The following SAV1 variants were observed in gnomAD, a reference collection of about 807,000 sequenced individuals.
SAV1 encodes salvador family WW domain containing protein 1, also known as protein salvador homolog 1.
Under a neutral mutation model 47.3 loss-of-function variants are expected in SAV1, and 23 were observed. The ratio of observed to expected loss-of-function variants is 0.49; its 90% CI spans 0.35 to 0.69. SAV1 has a LOEUF of 0.69. Among genes scored for constraint, SAV1 ranks in the 30% least tolerant of loss-of-function variants. The pLI is 0.01. For synonymous variants in SAV1, 155 were observed against 159.2 expected (o/e 0.97, Z 0.20); for missense variants, 448 against 457.4 (o/e 0.98, Z 0.19).
intron 2 of SAV1, among the ~76,000 whole-genome samples, chr14:50,658,251 T>A (rs115861804): frequency 6.6e-6 from 1 of 152,234 alleles, no homozygotes; most frequent in South Asian, 2.1e-4. Flanking sequence ...CTTTTCAGTC[T>A]GATTTTTGTA....
At chr14:50,642,491 GAAAA>G (rs566683259) in intron 3 of SAV1, among the ~76,000 whole-genome samples, 1 of 109,754 alleles carries the variant, frequency 9.1e-6, no homozygotes, top group African/African-American at 3.2e-5. Flanking sequence ...CTCCGTCTCA[GAAAA>G]AAAAAAAAAA....
chr14:50,664,830 G>A (rs1045367037), intron 2 of SAV1: 3 of 165,510 alleles, frequency 1.8e-5, no homozygotes, highest in African/African-American at 7.2e-5. Context: ...AAGTGTCTCT[G>A]AAGACTTACC....
intron 2 of SAV1, among the ~76,000 whole-genome samples, chr14:50,649,624 T>G (rs574559729): frequency 6.6e-6 from 1 of 152,340 alleles, no homozygotes; most frequent in South Asian, 2.1e-4. Context: ...AATACAGATG[T>G]ATTATCATTG....
chr14:50,663,974 C>T (rs543189348), intron 2 of SAV1, among the ~76,000 whole-genome samples: 11 of 152,276 alleles, frequency 7.2e-5, no homozygotes, highest in Admixed American at 2.0e-4. Context: ...CAATTTTCCA[C>T]GTAAAATGTC....
intron 4 of SAV1, among the ~76,000 whole-genome samples, chr14:50,635,898 A>C (rs1566738949): frequency 6.6e-6 from 1 of 152,106 alleles, no homozygotes; most frequent in Admixed American, 6.5e-5. Context: ...TAGTAGAGAC[A>C]GAGTTTCACC....
chr14:50,666,860 T>C (rs1211024583), intron 1 of SAV1, among the ~76,000 whole-genome samples: 2 of 152,076 alleles, frequency 1.3e-5, no homozygotes, highest in East Asian at 1.9e-4. Flanking sequence ...GTTGAAAGTA[T>C]TGCAAGTACC....
At chr14:50,666,464 AT>A (rs1385038314) in intron 1 of SAV1, among the ~76,000 whole-genome samples, 3 of 152,208 alleles carry the variant, frequency 2.0e-5, no homozygotes, top group Non-Finnish European at 4.4e-5. Context: ...AGTAAACAAT[AT>A]TGGAGACACT....
rs33946852 is a variant in SAV1 at position 50,659,073 on chromosome 14, ATTTTTTTTT to A, written c.535+6097_535+6105del. Among the ~76,000 whole-genome samples the A allele has an allele frequency of 6.9e-5, 9 of 131,124 alleles. 1 individual carries two copies. Among genetic ancestry groups the A allele is most frequent in the African/African-American group, 1.5e-4 (5 of 33,570 alleles). 86.0% of individuals were successfully genotyped at this position (131,124 alleles called of 152,430 possible). A position where few individuals can be genotyped will look rare whatever the true frequency, so the allele number is the denominator to read the frequency against. ...AGCAGTGTATCAACTGCTGTAAAGA[ATTTTTTTTT>A]TTTTTTTTTTTTGGTTGGGAGAGAT... On this transcript the variant is annotated intron_variant, in intron 2 of 4. Coordinates refer to ENST00000324679, the MANE Select transcript of SAV1 (RefSeq NM_021818.4).
intron 4 of SAV1, among the ~76,000 whole-genome samples, chr14:50,640,408 C>T (rs1271858834): frequency 6.6e-6 from 1 of 152,200 alleles, no homozygotes; most frequent in Non-Finnish European, 1.5e-5. Context: ...GTGTGAGCCA[C>T]TGTGCCAAGC....
chr14:50,642,688 GC>G (rs2039690429), intron 3 of SAV1, among the ~76,000 whole-genome samples: 1 of 152,078 alleles, frequency 6.6e-6, no homozygotes, highest in Admixed American at 6.6e-5. Context: ...AGAAAAAAAT[GC>G]ATGTGTATAT....
rs571773455 is a variant in SAV1 at position 50,660,969 on chromosome 14, T to C, written c.535+4210A>G. Reference sequence around the variant, plus strand: ...ACTGATTTCTTTTCCTTTAGATAGATACCCAGCAGTGGAACTGCCGGATCA... The same window carrying C: ...ACTGATTTCTTTTCCTTTAGATAGACACCCAGCAGTGGAACTGCCGGATCA... On this transcript the variant is annotated intron_variant, in intron 2 of 4. Transcript: ENST00000324679. Among the ~76,000 whole-genome samples, 24 of 152,354 alleles carry C rather than the reference T, an allele frequency of 1.6e-4. No individual in the cohort carries two copies. In the South Asian group the frequency reaches 5.0e-3, roughly 32 times the overall value.
intron 2 of SAV1, among the ~76,000 whole-genome samples, chr14:50,649,105 G>A (rs2039746643): frequency 6.6e-6 from 1 of 152,042 alleles, no homozygotes; most frequent in Non-Finnish European, 1.5e-5. Context: ...GGCAGGTACT[G>A]GCTGTTTATT....
rs1310365697 is a variant in SAV1 at position 50,640,898 on chromosome 14, G to C, written c.807-5C>G. 6.3e-7 allele frequency: 1 copy of C among 1,594,150 alleles called. No individual in the cohort carries two copies. The highest frequency in any genetic ancestry group is 8.5e-7 in the Non-Finnish European group (1 of 1,169,800). ...GGTTGATCATACCGAGGTACACTAA[G>C]AAGAAAGGAGTGACATTCTTTAGGA... is the stretch of plus-strand genomic sequence containing the variant. On this transcript the variant is annotated splice_region_variant and splice_polypyrimidine_tract_variant and intron_variant, in intron 3 of 4. Transcript: ENST00000324679.
At chr14:50,666,608 A>C (rs1438458885) in intron 1 of SAV1, among the ~76,000 whole-genome samples, 2 of 152,178 alleles carry the variant, frequency 1.3e-5, no homozygotes, top group East Asian at 3.9e-4. Flanking sequence ...AAACATTAAC[A>C]AAACTGCACG....
chr14:50,640,333 T>A (rs1775320405), intron 4 of SAV1, among the ~76,000 whole-genome samples: 2 of 152,116 alleles, frequency 1.3e-5, no homozygotes, highest in African/African-American at 2.4e-5. Context: ...TTGCCTAGAC[T>A]GGTCTCGAAC....
Position 50,633,858 on chromosome 14 carries a change from TTA to T in SAV1, c.*1323_*1324del, listed in dbSNP as rs2039608225. 6.4e-6 allele frequency: 1 copy of T among 157,230 alleles called. No individual in the cohort carries two copies. Among genetic ancestry groups the T allele is most frequent in the South Asian group, 1.9e-4 (1 of 5,366 alleles). The allele number at this position is 157,230 out of a possible 1,614,324, so 9.7% of individuals were successfully genotyped here. ...TTGAAATTCACAGAATTCTAGAGAT[TTA>T]TAGTTATAGTTTAGAAGTATCACCA... On this transcript the variant is annotated 3_prime_UTR_variant, in exon 5 of 5. Transcript: ENST00000324679.
At chr14:50,640,672 C>G in intron 4 of SAV1, 78 bp downstream of exon 4, 2 of 1,326,916 alleles carry the variant, frequency 1.5e-6, no homozygotes, top group Non-Finnish European at 2.0e-6. Context: ...TGGCACACTA[C>G]TTGGATCGAG....
Position 50,634,043 on chromosome 14 carries a change from C to T in SAV1, c.*1140G>A. On this transcript the variant is annotated 3_prime_UTR_variant, in exon 5 of 5. Transcript: ENST00000324679. ...AATAATATACATTCGATTTAATGAC[C>T]AAAAATTTTTTTTGAATCCCTGGTT... The T allele has an allele frequency of 3.4e-6, 1 of 291,020 alleles. No individual in the cohort carries two copies. The highest frequency in any genetic ancestry group is 3.0e-5 in the South Asian group (1 of 33,684). The allele number at this position is 291,020 out of a possible 1,614,324, so 18.0% of individuals were successfully genotyped here.
chr14:50,644,685 C>CA, intron 3 of SAV1, 59 bp downstream of exon 3: 1 of 1,505,162 alleles, frequency 6.6e-7, no homozygotes, highest in East Asian at 2.3e-5. Context: ...AATATCAGTT[C>CA]AAAACCTAAC....
Sources: gnomAD v4.1 joint callset for allele counts (sites outside exome capture counted in the v4.1 genomes callset) on GRCh38, gnomAD v4.1.1 for gene constraint, MANE v1.5 for transcripts, NCBI Gene and HGNC (gene_info 2026-07-23, HGNC 2026-07-21) for gene names.